TAF2: variants seen among roughly 807,000 people sequenced by gnomAD.
TAF2 encodes TATA-box binding protein associated factor 2, also known as transcription initiation factor TFIID subunit 2.
A neutral mutation model predicts 138.5 loss-of-function variants in TAF2; 61 were observed. The ratio of observed to expected loss-of-function variants is 0.44; its 90% confidence interval spans 0.36 to 0.54. TAF2 has a LOEUF of 0.54. Among genes scored for constraint, TAF2 ranks in the 20% least tolerant of loss-of-function variants. The probability of loss-of-function intolerance (pLI) is 0.00; values close to 1 mark genes in which losing one functional copy is unlikely to be tolerated. For missense variants in TAF2, 1,090 were observed against 1,427.9 expected, an observed-to-expected ratio of 0.76 and a Z score of 3.81; for synonymous variants, 475 against 469.9, an observed-to-expected ratio of 1.01 and a Z score of -0.14.
chr8:119,817,468 C>T (rs1418230904), intron 3 of TAF2, among the ~76,000 whole-genome samples: 1 of 152,128 alleles, frequency 6.6e-6, no homozygotes, highest in Non-Finnish European at 1.5e-5. Context: ...CCCCCTCTGC[C>T]CCCCTGGTCC....
chr8:119,752,148 G>A (rs1482375489), intron 22 of TAF2, among the ~76,000 whole-genome samples: 1 of 151,980 alleles, frequency 6.6e-6, no homozygotes, highest in Non-Finnish European at 1.5e-5. Flanking sequence ...CAAACTGAAA[G>A]TATATGATTA....
At chr8:119,738,082 T>C (rs1819349646) in intron 25 of TAF2, among the ~76,000 whole-genome samples, 1 of 151,702 alleles carries the variant, frequency 6.6e-6, no homozygotes, top group African/African-American at 2.4e-5. Flanking sequence ...AATATAAGTA[T>C]ACTATATATA....
chr8:119,805,154 T>G (rs1824532486), intron 4 of TAF2, among the ~76,000 whole-genome samples: 1 of 152,172 alleles, frequency 6.6e-6, no homozygotes, highest in Non-Finnish European at 1.5e-5. Flanking sequence ...TTACAATGGC[T>G]AAAACTTTAT....
chr8:119,782,972 GTCTT>G (rs1300573150), intron 16 of TAF2, among the ~76,000 whole-genome samples: 1 of 149,228 alleles, frequency 6.7e-6, no homozygotes, highest in Admixed American at 6.8e-5. Context: ...GTGAGATCTT[GTCTT>G]TATTTAAAAA....
chr8:119,803,089 C>A (rs1458209356), intron 5 of TAF2, among the ~76,000 whole-genome samples: 1 of 151,922 alleles, frequency 6.6e-6, no homozygotes, highest in Non-Finnish European at 1.5e-5. Flanking sequence ...CCAGCCTGGA[C>A]AACAGAGTGA....
At chr8:119,760,764 C>G (rs961702949) in intron 19 of TAF2, 26 bp from the exon 20 acceptor site, 1 of 1,613,282 alleles carries the variant, frequency 6.2e-7, no homozygotes, top group Non-Finnish European at 8.5e-7. Flanking sequence ...CGTATGTTAA[C>G]TACTTTCACT....
rs949753739 is a variant in TAF2, at chr8:119,731,128, T to C, written c.*796A>G. The C allele has an allele frequency of 2.0e-5, 3 of 152,184 alleles. No homozygotes were observed. Among genetic ancestry groups the C allele is most frequent in the African/African-American group, 7.2e-5 (3 of 41,456 alleles). The allele number at this position is 152,184 out of a possible 1,614,324, so 9.4% of individuals were successfully genotyped here. The stretch of plus-strand genomic sequence containing the variant: ...AAACAGTATGTGTTGGGTGTGTAAA[T>C]TGTCCACATTAAGCAAAACATATTT... On this transcript the variant is annotated 3_prime_UTR_variant, in exon 26 of 26. Coordinates refer to ENST00000378164, the MANE Select transcript of TAF2 (RefSeq NM_003184.4).
chr8:119,783,877 T>C (rs1242011711), intron 15 of TAF2, among the ~76,000 whole-genome samples: 1 of 152,130 alleles, frequency 6.6e-6, no homozygotes. Flanking sequence ...TACTCAAAAA[T>C]AAGAAAATAT....
Position 119,789,747 on chromosome 8 carries a change from C to T in TAF2, c.1414-1G>A. ...CCAGACTTAGCAGTTTATTGAAAAC[C>T]TGTAAGGATAAAATCATTTAGTAAA... On this transcript the variant is annotated splice_acceptor_variant, in intron 11 of 25. Coordinates refer to ENST00000378164, the MANE Select transcript of TAF2 (RefSeq NM_003184.4). LOFTEE classifies it high-confidence loss of function. The T allele has an allele frequency of 6.2e-7, 1 of 1,613,170 alleles. No individual in the cohort carries two copies. The highest frequency in any genetic ancestry group is 8.5e-7 in the Non-Finnish European group (1 of 1,179,710).
In TAF2 at chr8:119,831,538, A is replaced by G. The variant is rs571629437; in HGVS notation, c.138+139T>C. 3.6e-4 allele frequency: 217 copies of G among 596,526 alleles called. 2 individuals are homozygous for G. The highest frequency in any genetic ancestry group is 3.6e-3 in the African/African-American group (193 of 53,354). The allele number at this position is 596,526 out of a possible 1,614,324, so 37.0% of individuals were successfully genotyped here. ...AGGACCATGGAACTTGTAATCATAC[A>G]GACCCTAATTTTAATTCTTACCTAT... On this transcript the variant is annotated intron_variant, in intron 2 of 25. Coordinates refer to ENST00000378164, the MANE Select transcript of TAF2 (RefSeq NM_003184.4).
At chr8:119,736,789 G>A (rs561590955) in intron 25 of TAF2, among the ~76,000 whole-genome samples, 1 of 152,224 alleles carries the variant, frequency 6.6e-6, no homozygotes, top group East Asian at 1.9e-4. Context: ...TATGCTTCCA[G>A]ACTAAAGAAC....
At chr8:119,809,850 T>G (rs1258072695) in intron 3 of TAF2, among the ~76,000 whole-genome samples, 1 of 152,134 alleles carries the variant, frequency 6.6e-6, no homozygotes, top group Non-Finnish European at 1.5e-5. Context: ...TGATCACAGA[T>G]TACCTTAACA....
At position 119,731,991 on chromosome 8, in the gene TAF2, T is replaced by G. The variant is rs1261613817; in HGVS notation, c.3533A>C (p.Lys1178Thr). The G allele has an allele frequency of 6.2e-7, 1 of 1,614,228 alleles. No individual in the cohort carries two copies. Among genetic ancestry groups the G allele is most frequent in the East Asian group, 2.2e-5 (1 of 44,876 alleles). The change falls in exon 26 of 26, where the codon AAG becomes ACG. Residue 1178 changes from lysine to threonine, a missense_variant. Around this residue, in one of 3 missense-constraint regions of TAF2, gnomAD observed 580 missense variants for 719.6 expected, o/e 0.81. Coordinates refer to ENST00000378164, the MANE Select transcript of TAF2 (RefSeq NM_003184.4). ...AGGGCTGGAGAAAGTGAAAGGCTCC[T>G]TGTCCTTTTCTTTACTGTCATGCTT... is the stretch of plus-strand genomic sequence containing the variant. ...KHKHDSKEKD[K>T]EPFTFSSPAS...
intron 18 of TAF2, among the ~76,000 whole-genome samples, chr8:119,774,996 G>A (rs1822118697): frequency 1.3e-5 from 2 of 151,758 alleles, no homozygotes; most frequent in Non-Finnish European, 2.9e-5. Context: ...AAAAAAAATT[G>A]GAGGCCAGGC....
At position 119,804,038 on chromosome 8, in the gene TAF2, T is replaced by C; in HGVS notation, c.419-19A>G. 1 of 1,613,476 alleles carries C rather than the reference T, an allele frequency of 6.2e-7. No homozygotes were observed. ...TTTAACTCTGCAACAAATAAACATA[T>C]ACACACATTGATACATAAGTTACAG... On this transcript the variant is annotated intron_variant, in intron 4 of 25. Coordinates refer to ENST00000378164, the MANE Select transcript of TAF2 (RefSeq NM_003184.4).
At position 119,762,803 on chromosome 8, in the gene TAF2, T is replaced by C. The variant is rs114334349; in HGVS notation, c.2365-195A>G. On this transcript the variant is annotated intron_variant, in intron 18 of 25. Coordinates refer to ENST00000378164, the MANE Select transcript of TAF2 (RefSeq NM_003184.4). ...AACAGTAAGAGATTCACTATAACAA[T>C]ACATTAGTTTACTGATGGAAAACTA... 1.5e-3 allele frequency: 715 copies of C among 474,096 alleles called. 5 individuals are homozygous for C. Among genetic ancestry groups the C allele is most frequent in the African/African-American group, 0.013 (641 of 50,950 alleles). The allele number at this position is 474,096 out of a possible 1,614,324, so 29.4% of individuals were successfully genotyped here.
At chr8:119,760,871 T>A (rs1275829824) in intron 19 of TAF2, 133 bp from the exon 20 acceptor site, 1 of 1,184,794 alleles carries the variant, frequency 8.4e-7, no homozygotes, top group Non-Finnish European at 1.2e-6. Flanking sequence ...TTCAATTTTG[T>A]AATAGAGTCA....
At chr8:119,763,488 G>C (rs1383342446) in intron 18 of TAF2, among the ~76,000 whole-genome samples, 1 of 152,128 alleles carries the variant, frequency 6.6e-6, no homozygotes, top group Non-Finnish European at 1.5e-5. Context: ...CCAGCACTTT[G>C]GGAGGCCAAG....
intron 17 of TAF2, among the ~76,000 whole-genome samples, chr8:119,780,281 G>GA (rs1325635284): frequency 6.6e-6 from 1 of 152,062 alleles, no homozygotes; most frequent in Non-Finnish European, 1.5e-5. Context: ...TCCACTTATA[G>GA]AAAACTTAAT....
Sources: allele counts gnomAD v4.1 joint callset (sites outside exome capture counted in the v4.1 genomes callset), GRCh38; gene constraint gnomAD v4.1.1; regional missense constraint gnomAD v4.1.1; transcripts MANE v1.5; gene names NCBI Gene and HGNC (gene_info 2026-07-23, HGNC 2026-07-21).